POLR3B: variants seen among roughly 807,000 people sequenced by gnomAD.
POLR3B encodes RNA polymerase III subunit B.
Under a neutral mutation model 147.4 loss-of-function variants are expected in POLR3B, and 96 were observed. That is an observed-to-expected ratio of 0.65 (90% confidence interval 0.55 to 0.77). The LOEUF (loss-of-function observed/expected upper bound fraction) is 0.77. POLR3B is among the 30% of genes least tolerant of loss of function. The pLI is 0.00. For synonymous variants in POLR3B, 461 were observed against 485.9 expected, an observed-to-expected ratio of 0.95 and a Z score of 0.67; for missense variants, 1,036 against 1,413.5, an observed-to-expected ratio of 0.73 and a Z score of 4.28.
chr12:106,366,595 A>G, intron 3 of POLR3B, 23 bp downstream of exon 3: 1 of 1,596,306 alleles, frequency 6.3e-7, no homozygotes, highest in Non-Finnish European at 8.6e-7. Context: ...TGTTAGAAAT[A>G]GACATAAACT....
chr12:106,404,953 A>T (rs2037129519), intron 10 of POLR3B, among the ~76,000 whole-genome samples: 1 of 152,064 alleles, frequency 6.6e-6, no homozygotes, highest in African/African-American at 2.4e-5. Flanking sequence ...TAGTTTATGG[A>T]TAGTTGTTTC....
At chr12:106,453,453 C>T (rs185181072) in intron 19 of POLR3B, among the ~76,000 whole-genome samples, 1 of 152,066 alleles carries the variant, frequency 6.6e-6, no homozygotes, top group East Asian at 1.9e-4. Flanking sequence ...CACTTAGGTA[C>T]TTCGGAGTGT....
intron 19 of POLR3B, chr12:106,446,372 TGAAA>T (rs2037723052): frequency 3.4e-6 from 1 of 291,536 alleles, no homozygotes; most frequent in South Asian, 2.6e-5. Context: ...AGAATAGACT[TGAAA>T]GAAAGAAATA....
intron 23 of POLR3B, among the ~76,000 whole-genome samples, chr12:106,483,672 G>A (rs1392863020): frequency 6.6e-6 from 1 of 152,118 alleles, no homozygotes; most frequent in East Asian, 1.9e-4. Flanking sequence ...GTTGATTGTG[G>A]CCTGTGAAGG....
At chr12:106,455,418 T>C (rs1436520542) in intron 20 of POLR3B, among the ~76,000 whole-genome samples, 1 of 152,168 alleles carries the variant, frequency 6.6e-6, no homozygotes, top group East Asian at 1.9e-4. Context: ...TTGGCATTAA[T>C]GTTGGCCACA....
In POLR3B at chr12:106,407,648, G is replaced by A. The variant is rs966503385; in HGVS notation, c.966+1672G>A. On this transcript the variant is annotated intron_variant, in intron 11 of 27. Coordinates refer to ENST00000228347, the MANE Select transcript of POLR3B (RefSeq NM_018082.6). ...AGTTTGAGACCAGCCTGACCAATAT[G>A]GAGAAACCCCATCTCTACTAAAAAC... 2.6e-5 allele frequency among the ~76,000 whole-genome samples: 4 copies of A among 152,084 alleles called. No individual in the cohort carries two copies. The East Asian group carries it at 7.7e-4, about 29-fold the overall frequency.
chr12:106,436,650 A>G (rs755042847), intron 16 of POLR3B, among the ~76,000 whole-genome samples: 22 of 152,198 alleles, frequency 1.4e-4, no homozygotes, highest in African/African-American at 2.9e-4. Context: ...AAATTTTCCA[A>G]TGTGAAATCG....
intron 13 of POLR3B, among the ~76,000 whole-genome samples, chr12:106,429,091 G>A (rs2037474501): frequency 6.6e-6 from 1 of 152,196 alleles, no homozygotes; most frequent in Non-Finnish European, 1.5e-5. Flanking sequence ...CCTCTGAGGA[G>A]GAATGAAGAA....
intron 16 of POLR3B, among the ~76,000 whole-genome samples, chr12:106,434,828 G>T (rs1022148084): frequency 6.6e-6 from 1 of 152,052 alleles, no homozygotes; most frequent in Non-Finnish European, 1.5e-5. Flanking sequence ...TTTCTTTTGA[G>T]GACTGCCTGT....
In POLR3B at chr12:106,454,534, G is replaced by A; in HGVS notation, c.2116G>A (p.Asp706Asn). ...AGGATACAACCAGCGAAACAGAATT[G>A]ATACTCTCATGTATCTACTAGCATA... ...TIGYNQRNRI[D>N]TLMYLLAYPQ... The change falls in exon 20 of 28, where the codon GAT (aspartate) becomes AAT (asparagine). Residue 706 changes from aspartate (D) to asparagine (N), a missense_variant. Physicochemically the swap from Asp to Asn is conservative, Grantham distance 23. Transcript: ENST00000228347. 1 of 1,602,492 alleles carries A rather than the reference G, an allele frequency of 6.2e-7. No individual in the cohort carries two copies. The highest frequency in any genetic ancestry group is 8.5e-7 in the Non-Finnish European group (1 of 1,169,672).
At chr12:106,502,872 A>T (rs2038624207) in intron 26 of POLR3B, among the ~76,000 whole-genome samples, 1 of 152,236 alleles carries the variant, frequency 6.6e-6, no homozygotes, top group Non-Finnish European at 1.5e-5. Flanking sequence ...TTTCAGAGTA[A>T]CATAAATGTC....
intron 1 of POLR3B, among the ~76,000 whole-genome samples, chr12:106,360,370 T>A (rs2136874509): frequency 6.6e-6 from 1 of 152,240 alleles, no homozygotes; most frequent in Non-Finnish European, 1.5e-5. Context: ...TTCCCCCCTC[T>A]CCCTCCCCTG....
intron 18 of POLR3B, among the ~76,000 whole-genome samples, chr12:106,440,380 G>A (rs2037633776): frequency 6.6e-6 from 1 of 152,124 alleles, no homozygotes; most frequent in Admixed American, 6.5e-5. Flanking sequence ...TAGAGCAGAG[G>A]GGGCATGTCC....
intron 11 of POLR3B, among the ~76,000 whole-genome samples, chr12:106,406,592 T>A (rs879787048): frequency 2.0e-5 from 3 of 152,216 alleles, no homozygotes; most frequent in Non-Finnish European, 4.4e-5. Context: ...CTCCTTCACT[T>A]ATTGTGAAGA....
intron 23 of POLR3B, among the ~76,000 whole-genome samples, chr12:106,474,702 G>A (rs530971438): frequency 4.5e-5 from 6 of 133,014 alleles, no homozygotes; most frequent in Non-Finnish European, 8.0e-5. Flanking sequence ...CTGTGGGATC[G>A]GTGGTGATAT....
At chr12:106,403,575 A>G (rs1488954595) in intron 10 of POLR3B, among the ~76,000 whole-genome samples, 2 of 152,116 alleles carry the variant, frequency 1.3e-5, no homozygotes, top group Non-Finnish European at 1.5e-5. Flanking sequence ...GTCCAACAAC[A>G]ATAGACTGGA....
At chr12:106,409,640 A>G (rs976477528) in intron 11 of POLR3B, among the ~76,000 whole-genome samples, 3 of 151,356 alleles carry the variant, frequency 2.0e-5, no homozygotes, top group Admixed American at 1.3e-4. Flanking sequence ...ACTTAGCAGC[A>G]ACAACAAAAT....
At chr12:106,397,084 C>T (rs1429858475) in intron 10 of POLR3B, among the ~76,000 whole-genome samples, 1 of 149,944 alleles carries the variant, frequency 6.7e-6, no homozygotes, top group East Asian at 2.0e-4. Flanking sequence ...GACATCACAC[C>T]ACTGTACTCC....
At chr12:106,371,468 T>C (rs1228526120) in intron 6 of POLR3B, among the ~76,000 whole-genome samples, 9 of 151,570 alleles carry the variant, frequency 5.9e-5, no homozygotes, top group South Asian at 2.1e-4. Context: ...TAAATCATGC[T>C]GCTATAAAGA....
Sources: allele counts gnomAD v4.1 joint callset (sites outside exome capture counted in the v4.1 genomes callset), GRCh38; gene constraint gnomAD v4.1.1; transcripts MANE v1.5; gene names NCBI Gene and HGNC (gene_info 2026-07-23, HGNC 2026-07-21).